PRKN: variants seen among roughly 807,000 people sequenced by gnomAD.
The protein encoded by PRKN is parkin RBR E3 ubiquitin protein ligase, also known as E3 ubiquitin-protein ligase parkin.
In PRKN, 56 loss-of-function variants were observed where a neutral mutation model predicts 59.5. That is an observed-to-expected ratio of 0.94 (90% confidence interval 0.76 to 1.18). The LOEUF (loss-of-function observed/expected upper bound fraction) is 1.18, where lower values mean the gene tolerates loss of function less well. Ranked by LOEUF, PRKN falls within the 50% of genes most tolerant of loss-of-function variation. The pLI is 0.00. For missense variants in PRKN, 657 were observed against 596.4 expected, an observed-to-expected ratio of 1.10 and a Z score of -1.06; for synonymous variants, 250 against 222.1, an observed-to-expected ratio of 1.13 and a Z score of -1.12.
chr6:162,021,173 ATGTG>A (rs1201020744), intron 5 of PRKN, among the ~76,000 whole-genome samples: 2 of 59,838 alleles, frequency 3.3e-5, no homozygotes, highest in Admixed American at 2.6e-4. Context: ...TATAAAATAT[ATGTG>A]TATATATATT....
intron 9 of PRKN, among the ~76,000 whole-genome samples, chr6:161,476,816 T>A (rs971032613): frequency 5.3e-5 from 8 of 152,248 alleles, no homozygotes; most frequent in Non-Finnish European, 2.9e-5. Context: ...GAAATGAGAC[T>A]GTGCTTTGCT....
chr6:162,016,537 A>G (rs1782941003), intron 5 of PRKN, among the ~76,000 whole-genome samples: 1 of 152,174 alleles, frequency 6.6e-6, no homozygotes, highest in African/African-American at 2.4e-5. Flanking sequence ...CTTATGATGG[A>G]CAACATTTGA....
At chr6:162,247,458 A>G (rs1291087337) in intron 3 of PRKN, among the ~76,000 whole-genome samples, 1 of 152,164 alleles carries the variant, frequency 6.6e-6, no homozygotes, top group Admixed American at 6.5e-5. Context: ...GCTTTTGTTT[A>G]TAACACCTAT....
intron 2 of PRKN, among the ~76,000 whole-genome samples, chr6:162,283,352 T>C (rs938636240): frequency 6.6e-6 from 1 of 152,084 alleles, no homozygotes; most frequent in East Asian, 1.9e-4. Context: ...CATATTTCAA[T>C]CCAACTGAAA....
At chr6:161,753,907 G>C (rs1266741605) in intron 7 of PRKN, among the ~76,000 whole-genome samples, 1 of 152,166 alleles carries the variant, frequency 6.6e-6, no homozygotes, top group African/African-American at 2.4e-5. Flanking sequence ...GGAGAGCAGA[G>C]GAGAGGTTAG....
rs1787685359 is a variant in PRKN at position 161,413,454 on chromosome 6, A to G, written c.1084-26577T>C. On this transcript the variant is annotated intron_variant, in intron 9 of 11. Coordinates refer to ENST00000366898, the MANE Select transcript of PRKN (RefSeq NM_004562.3). This position sits in a 1 kb window ranked among gnomAD's most constrained non-coding sequence, Gnocchi z 4.4. ...AGTAACCGAATACATCAGAGAGGACATAGGGATCTGGCCAGCTGGGAATGG... is the reference window on the plus strand; with the variant it reads ...AGTAACCGAATACATCAGAGAGGACGTAGGGATCTGGCCAGCTGGGAATGG... Among the ~76,000 whole-genome samples, 3 of 152,208 alleles carry G rather than the reference A, an allele frequency of 2.0e-5. No individual in the cohort carries two copies. The highest frequency in any genetic ancestry group is 7.2e-5 in the African/African-American group (3 of 41,456).
intron 7 of PRKN, among the ~76,000 whole-genome samples, chr6:161,675,318 T>C (rs1438743179): frequency 1.3e-5 from 2 of 152,126 alleles, no homozygotes; most frequent in Admixed American, 6.5e-5. Context: ...TACGGTCACA[T>C]AAGGTATCAT....
rs183809222 is a variant in PRKN, at chr6:162,569,103, C to T, written c.8-125630G>A. The T allele has an allele frequency of 2.5e-4, 165 of 660,448 alleles. 2 individuals carry two copies. In the East Asian group the frequency reaches 4.3e-3, roughly 17 times the overall value. 40.9% of individuals were successfully genotyped at this position (660,448 alleles called of 1,614,324 possible). A position where few individuals can be genotyped will look rare whatever the true frequency, so the allele number is the denominator to read the frequency against. On this transcript the variant is annotated intron_variant, in intron 1 of 11. Coordinates refer to ENST00000366898, the MANE Select transcript of PRKN (RefSeq NM_004562.3). ...GACAGCATCATTGCTGAGGTCAAGG[C>T]GTAGTATGAGGAGATCACCCAACCT...
intron 5 of PRKN, among the ~76,000 whole-genome samples, chr6:162,049,847 T>C (rs902691178): frequency 2.0e-5 from 3 of 152,194 alleles, no homozygotes; most frequent in Non-Finnish European, 2.9e-5. Flanking sequence ...CCTGATGTCG[T>C]GGGCTCACTG....
chr6:161,826,877 T>C (rs182876733), intron 6 of PRKN, among the ~76,000 whole-genome samples: 39 of 152,336 alleles, frequency 2.6e-4, no homozygotes, highest in Non-Finnish European at 5.0e-4. Flanking sequence ...ACTTATGTTC[T>C]TCTCTCTTCT....
Position 161,808,902 on chromosome 6 carries a change from G to T in PRKN, c.735-22994C>A, listed in dbSNP as rs1279431759. Among the ~76,000 whole-genome samples, 4 of 152,092 alleles carry T rather than the reference G, an allele frequency of 2.6e-5. No individual in the cohort carries two copies. In the East Asian group the frequency reaches 7.7e-4, roughly 29 times the overall value. Reference sequence around the variant, plus strand: ...GTTGCTGAGGCTGGAGCGCGGTGGTGCGATCACAGTTCGCTGTAGCCTCAA... The same window carrying T: ...GTTGCTGAGGCTGGAGCGCGGTGGTTCGATCACAGTTCGCTGTAGCCTCAA... On this transcript the variant is annotated intron_variant, in intron 6 of 11. Transcript: ENST00000366898.
chr6:161,607,893 G>T (rs980287181), intron 7 of PRKN, among the ~76,000 whole-genome samples: 2 of 152,308 alleles, frequency 1.3e-5, no homozygotes, highest in African/African-American at 4.8e-5. Flanking sequence ...GGCTGGGGGA[G>T]AACAGGAACA....
chr6:162,025,803 G>A lies in PRKN; in HGVS notation c.618+28288C>T, dbSNP rs188849960. ...GGGGTTTCACCATGTTGGCCAGGCT[G>A]GTGTTGAACTCCTGACCTCAAGTGA... On this transcript the variant is annotated intron_variant, in intron 5 of 11. Transcript: ENST00000366898. Among the ~76,000 whole-genome samples, 163 of 151,676 alleles carry A rather than the reference G, an allele frequency of 1.1e-3. 1 individual carries two copies. Among genetic ancestry groups the A allele is most frequent in the Non-Finnish European group, 1.8e-3 (119 of 67,920 alleles).
intron 1 of PRKN, among the ~76,000 whole-genome samples, chr6:162,556,372 T>TGTGTGC (rs1554243468): frequency 6.0e-5 from 6 of 99,288 alleles, no homozygotes; most frequent in East Asian, 7.3e-4. Context: ...TGTGTGTGTG[T>TGTGTGC]GTGTGTGTGT....
intron 1 of PRKN, among the ~76,000 whole-genome samples, chr6:162,459,151 A>G (rs1425534210): frequency 2.6e-5 from 4 of 152,132 alleles, no homozygotes; most frequent in African/African-American, 9.7e-5. Flanking sequence ...GAGCCAACAG[A>G]AATTACTGAT....
At chr6:162,720,995 G>A (rs1051904801) in intron 1 of PRKN, among the ~76,000 whole-genome samples, 5 of 152,160 alleles carry the variant, frequency 3.3e-5, no homozygotes, top group African/African-American at 7.2e-5. Flanking sequence ...CTGTCAATAA[G>A]AGACATTAAT....
chr6:161,728,745 T>A (rs1186390638), intron 7 of PRKN, among the ~76,000 whole-genome samples: 3 of 152,164 alleles, frequency 2.0e-5, no homozygotes, highest in African/African-American at 4.8e-5. Context: ...GATGATGGCA[T>A]GTAGGCTCCT....
At chr6:162,669,525 C>G (rs1779240064) in intron 1 of PRKN, among the ~76,000 whole-genome samples, 1 of 152,110 alleles carries the variant, frequency 6.6e-6, no homozygotes, top group African/African-American at 2.4e-5. Flanking sequence ...AACGTTACCC[C>G]ATTTGCAATC....
rs1287685298 is a variant in PRKN, at chr6:161,359,608, T to C, written c.1285+480A>G. On this transcript the variant is annotated intron_variant, in intron 11 of 11. Coordinates refer to ENST00000366898, the MANE Select transcript of PRKN (RefSeq NM_004562.3). This position sits in a 1 kb window ranked among gnomAD's most constrained non-coding sequence, Gnocchi z 5.4. ...AGCAGGAAGTCCCCCACTGGTACTG[T>C]GAGTCATCAGGGGCAGGCCACAGGG... 6.6e-6 allele frequency among the ~76,000 whole-genome samples: 1 copy of C among 152,158 alleles called. No individual in the cohort carries two copies. Among genetic ancestry groups the C allele is most frequent in the Non-Finnish European group, 1.5e-5 (1 of 68,034 alleles).
Sources: gnomAD v4.1 joint callset for allele counts (sites outside exome capture counted in the v4.1 genomes callset) on GRCh38, gnomAD v4.1.1 for gene constraint, Gnocchi (gnomAD v3.1) non-coding constraint, MANE v1.5 for transcripts, NCBI Gene and HGNC (gene_info 2026-07-23, HGNC 2026-07-21) for gene names.